Variants in CNTN3 observed in about 807,000 individuals in gnomAD.
CNTN3 encodes the protein contactin-3.
Under a neutral mutation model 119.1 loss-of-function variants are expected in CNTN3, and 60 were observed. That is an observed-to-expected ratio of 0.50 (90% CI 0.41 to 0.62). The LOEUF is 0.62. Among genes scored for constraint, CNTN3 ranks in the 20% least tolerant of loss-of-function variants. CNTN3 has a pLI of 0.00. For synonymous variants in CNTN3, 450 were observed against 438.7 expected (o/e 1.03, Z -0.32); for missense variants, 1,101 against 1,242.4 (o/e 0.89, Z 1.71).
At chr3:74,450,183 A>T (rs7645458) in intron 4 of CNTN3, among the ~76,000 whole-genome samples, 77,701 of 151,926 alleles carry the variant, frequency 0.51, 20,221 homozygotes, top group Non-Finnish European at 0.55. Flanking sequence ...TATATTCTGC[A>T]TTGTAAATAT....
At chr3:74,414,372 C>T (rs974771068) in intron 5 of CNTN3, among the ~76,000 whole-genome samples, 1 of 152,184 alleles carries the variant, frequency 6.6e-6, no homozygotes, top group Admixed American at 6.5e-5. Flanking sequence ...ATAAAATTCA[C>T]CCACAAAAAT....
At chr3:74,359,863 C>A (rs958339906) in intron 11 of CNTN3, among the ~76,000 whole-genome samples, 1 of 152,132 alleles carries the variant, frequency 6.6e-6, no homozygotes, top group African/African-American at 2.4e-5. Flanking sequence ...ACAAAAATGT[C>A]ATGAGTTCCA....
rs185456501 is a variant in CNTN3 at position 74,539,251 on chromosome 3, A to G, written c.-80-18059T>C. ...TAGGGACATCAGGGTTCAATTTATT[A>G]AAAGTATTTAGTACTGAATATTGGT... is the stretch of plus-strand genomic sequence containing the variant. On this transcript the variant is annotated intron_variant, in intron 1 of 22. Coordinates refer to ENST00000263665, the MANE Select transcript of CNTN3 (RefSeq NM_020872.3). Among the ~76,000 whole-genome samples the G allele has an allele frequency of 1.0e-3, 153 of 152,242 alleles. 1 individual carries two copies. The highest frequency in any genetic ancestry group is 3.4e-3 in the Middle Eastern group (1 of 294).
At chr3:74,475,118 C>A (rs1702632018) in intron 4 of CNTN3, among the ~76,000 whole-genome samples, 1 of 152,138 alleles carries the variant, frequency 6.6e-6, no homozygotes. Context: ...AATACATGTG[C>A]CTTCTCTGGT....
chr3:74,473,771 T>A (rs2107008585), intron 4 of CNTN3, among the ~76,000 whole-genome samples: 1 of 152,248 alleles, frequency 6.6e-6, no homozygotes, highest in African/African-American at 2.4e-5. Context: ...AGTGACCTGA[T>A]GATGGAGCAA....
At chr3:74,578,034 A>G (rs1349680471) in intron 1 of CNTN3, among the ~76,000 whole-genome samples, 2 of 152,110 alleles carry the variant, frequency 1.3e-5, no homozygotes, top group Non-Finnish European at 2.9e-5. Context: ...GCCAATTTGC[A>G]AATTAAACAC....
intron 4 of CNTN3, among the ~76,000 whole-genome samples, chr3:74,426,395 T>G (rs1253199394): frequency 6.6e-6 from 1 of 152,146 alleles, no homozygotes; most frequent in East Asian, 1.9e-4. Flanking sequence ...AGAATACAAC[T>G]TGGATATTTT....
chr3:74,554,788 C>T lies in CNTN3; in HGVS notation c.-80-33596G>A, dbSNP rs1002220603. Among the ~76,000 whole-genome samples, 4 of 152,304 alleles carry T rather than the reference C, an allele frequency of 2.6e-5. No individual in the cohort carries two copies. The East Asian group carries it at 7.7e-4, about 29-fold the overall frequency. ...GTATCCTGAGACTTTGCTGAAGTTG[C>T]TTGTCAGCTTAAGAAGATTTTGGGC... On this transcript the variant is annotated intron_variant, in intron 1 of 22. Coordinates refer to ENST00000263665, the MANE Select transcript of CNTN3 (RefSeq NM_020872.3).
chr3:74,437,152 A>G (rs1488655258), intron 4 of CNTN3, among the ~76,000 whole-genome samples: 1 of 152,170 alleles, frequency 6.6e-6, no homozygotes, highest in African/African-American at 2.4e-5. Flanking sequence ...TAAATCAAAC[A>G]AATAAAATTA....
Position 74,486,324 on chromosome 3 carries a change from T to G in CNTN3, c.358+132A>C, listed in dbSNP as rs180736902. ...ACTATAAAATGTCCAAAAATCATAC[T>G]GAATTGCTTTCTCAGTCTATTTACT... On this transcript the variant is annotated intron_variant, in intron 4 of 22. Transcript: ENST00000263665. The G allele has an allele frequency of 1.2e-4, 94 of 775,082 alleles. No homozygotes were observed. The Middle Eastern group carries it at 1.5e-3, about 13-fold the overall frequency. 48.0% of individuals were successfully genotyped at this position (775,082 alleles called of 1,614,324 possible).
chr3:74,448,810 T>A (rs1702094390), intron 4 of CNTN3, among the ~76,000 whole-genome samples: 1 of 152,176 alleles, frequency 6.6e-6, no homozygotes, highest in South Asian at 2.1e-4. Flanking sequence ...CTATATCCTT[T>A]GAAAAACAGT....
chr3:74,326,182 T>C (rs1703126476), intron 13 of CNTN3, among the ~76,000 whole-genome samples: 1 of 152,134 alleles, frequency 6.6e-6, no homozygotes, highest in African/African-American at 2.4e-5. Context: ...TAGAGAGTAT[T>C]GTAGGTGCTT....
At chr3:74,571,240 A>C (rs1033730826) in intron 1 of CNTN3, among the ~76,000 whole-genome samples, 5 of 152,184 alleles carry the variant, frequency 3.3e-5, no homozygotes, top group African/African-American at 9.7e-5. Flanking sequence ...ACCGTACTGC[A>C]GATAGTGTTC....
At chr3:74,565,324 T>C (rs926691028) in intron 1 of CNTN3, among the ~76,000 whole-genome samples, 8 of 152,180 alleles carry the variant, frequency 5.3e-5, no homozygotes, top group African/African-American at 1.9e-4. Context: ...AGTCCTTGCC[T>C]TGTGGCCCCT....
chr3:74,414,553 A>G (rs1345669870), intron 5 of CNTN3, among the ~76,000 whole-genome samples: 2 of 152,212 alleles, frequency 1.3e-5, no homozygotes, highest in African/African-American at 4.8e-5. Context: ...GGTCTCCAGG[A>G]AAGACCCCAC....
chr3:74,551,824 C>T (rs1255639562), intron 1 of CNTN3, among the ~76,000 whole-genome samples: 5 of 126,086 alleles, frequency 4.0e-5, no homozygotes, highest in Admixed American at 1.0e-4. Context: ...AGTGCAGTGG[C>T]GCGATCTCGG....
chr3:74,420,714 A>G (rs1431429139), intron 5 of CNTN3, among the ~76,000 whole-genome samples: 1 of 152,180 alleles, frequency 6.6e-6, no homozygotes, highest in Non-Finnish European at 1.5e-5. Flanking sequence ...GAGAATGGCA[A>G]CAGGGTGCTG....
At chr3:74,281,331 T>C (rs188615317) in intron 20 of CNTN3, among the ~76,000 whole-genome samples, 7 of 152,120 alleles carry the variant, frequency 4.6e-5, no homozygotes, top group African/African-American at 1.4e-4. Flanking sequence ...TATTTCTTTA[T>C]TTTTATTATT....
intron 1 of CNTN3, among the ~76,000 whole-genome samples, chr3:74,590,944 C>T (rs1003179735): frequency 6.6e-6 from 1 of 151,948 alleles, no homozygotes; most frequent in Non-Finnish European, 1.5e-5. Flanking sequence ...TACAAATATA[C>T]ATAACTAGTT....
Sources: allele counts gnomAD v4.1 joint callset (sites outside exome capture counted in the v4.1 genomes callset), GRCh38; gene constraint gnomAD v4.1.1; transcripts MANE v1.5; gene names NCBI Gene and HGNC (gene_info 2026-07-23, HGNC 2026-07-21).